The following CAMK1D variants were observed in gnomAD, a reference collection of about 807,000 sequenced individuals.
The protein encoded by CAMK1D is calcium/calmodulin dependent protein kinase ID.
CAMK1D carries 9 observed loss-of-function variants against 47.7 expected under a neutral mutation model. The observed-to-expected ratio is 0.19, with a 90% CI of 0.11 to 0.33. The LOEUF is 0.33. CAMK1D is among the 10% of genes least tolerant of loss of function. CAMK1D has a pLI of 1.00. For synonymous variants in CAMK1D, 184 were observed against 184.9 expected, an observed-to-expected ratio of 0.99 and a Z score of 0.04; for missense variants, 291 against 488.7, an observed-to-expected ratio of 0.60 and a Z score of 3.81.
chr10:12,541,069 A>G (rs1404852049), intron 1 of CAMK1D, among the ~76,000 whole-genome samples: 2 of 152,220 alleles, frequency 1.3e-5, no homozygotes, highest in Non-Finnish European at 2.9e-5. Context: ...TAAATTGGAT[A>G]TCCATTTTCT....
intron 1 of CAMK1D, among the ~76,000 whole-genome samples, chr10:12,472,924 G>A (rs887626412): frequency 3.3e-5 from 5 of 152,156 alleles, no homozygotes; most frequent in African/African-American, 1.2e-4. Context: ...GCAGGAACTC[G>A]CTGCTCCTTA....
intron 1 of CAMK1D, among the ~76,000 whole-genome samples, chr10:12,428,697 G>A (rs1840336381): frequency 6.6e-6 from 1 of 152,152 alleles, no homozygotes; most frequent in Non-Finnish European, 1.5e-5. Context: ...CTTCCTTACT[G>A]TTAGGAGCCG....
chr10:12,687,148 C>T (rs1440947188), intron 3 of CAMK1D, among the ~76,000 whole-genome samples: 1 of 152,060 alleles, frequency 6.6e-6, no homozygotes, highest in African/African-American at 2.4e-5. Flanking sequence ...ACTCTCAGAA[C>T]ATATTCATTT....
intron 1 of CAMK1D, among the ~76,000 whole-genome samples, chr10:12,539,198 C>T (rs1294286659): frequency 1.3e-5 from 2 of 152,086 alleles, no homozygotes; most frequent in Non-Finnish European, 2.9e-5. Flanking sequence ...TTTTTTAACA[C>T]AGACACAGCC....
intron 3 of CAMK1D, among the ~76,000 whole-genome samples, chr10:12,703,461 G>A (rs1833606768): frequency 1.3e-5 from 2 of 152,204 alleles, no homozygotes; most frequent in Non-Finnish European, 2.9e-5. Flanking sequence ...TAGGTCAACT[G>A]CTAATACCTT....
chr10:12,701,708 AG>A (rs1833525909), intron 3 of CAMK1D, among the ~76,000 whole-genome samples: 1 of 152,198 alleles, frequency 6.6e-6, no homozygotes, highest in Admixed American at 6.5e-5. Context: ...AGGCAGTTTG[AG>A]CATTCTCCAA....
At chr10:12,825,510 C>T in intron 9 of CAMK1D, 63 bp from the exon 10 acceptor site, 4 of 1,486,866 alleles carry the variant, frequency 2.7e-6, no homozygotes, top group Non-Finnish European at 1.8e-6. Context: ...CAAGAGAACA[C>T]AGTTAGAGTC....
chr10:12,422,618 T>C (rs1289327520), intron 1 of CAMK1D, among the ~76,000 whole-genome samples: 1 of 152,118 alleles, frequency 6.6e-6, no homozygotes, highest in Non-Finnish European at 1.5e-5. Context: ...TTTGGGCTTA[T>C]GGAAGTGTTT....
chr10:12,494,523 T>C (rs1010907480), intron 1 of CAMK1D, among the ~76,000 whole-genome samples: 2 of 152,134 alleles, frequency 1.3e-5, no homozygotes, highest in Non-Finnish European at 2.9e-5. Flanking sequence ...AAGCCAGATA[T>C]TTTTGTGTCC....
At chr10:12,457,162 G>T (rs1046574095) in intron 1 of CAMK1D, among the ~76,000 whole-genome samples, 1 of 152,094 alleles carries the variant, frequency 6.6e-6, no homozygotes. Context: ...AAGCCAAGGT[G>T]GGCAGATCAC....
intron 6 of CAMK1D, among the ~76,000 whole-genome samples, chr10:12,801,295 G>GTATCTATCTA (rs1302761160): frequency 5.5e-5 from 6 of 108,750 alleles, no homozygotes; most frequent in African/African-American, 1.9e-4. Flanking sequence ...CTGTCTGTGT[G>GTATCTATCTA]TGTATCTATC....
intron 1 of CAMK1D, among the ~76,000 whole-genome samples, chr10:12,473,801 A>G (rs760753660): frequency 1.3e-5 from 2 of 152,162 alleles, no homozygotes; most frequent in Non-Finnish European, 2.9e-5. Flanking sequence ...AGGATCTCAA[A>G]TTTGTCAAGG....
Position 12,546,822 on chromosome 10 carries a change from G to T in CAMK1D, c.93-6403G>T, listed in dbSNP as rs2999982. 9.3e-5 allele frequency among the ~76,000 whole-genome samples: 14 copies of T among 150,220 alleles called. No homozygotes were observed. The South Asian group carries it at 1.1e-3, about 11-fold the overall frequency. ...CCGGGGACTGTTGTGGGGTGGGGGT[G>T]GGGGAGGGATAGCATTAGGAGATAT... On this transcript the variant is annotated intron_variant, in intron 1 of 10. Transcript: ENST00000619168.
chr10:12,371,119 C>T (rs921993776), intron 1 of CAMK1D, among the ~76,000 whole-genome samples: 2 of 151,934 alleles, frequency 1.3e-5, no homozygotes, highest in Admixed American at 1.3e-4. Context: ...TTAGTATAGC[C>T]TAAGTGTACA....
At chr10:12,661,811 G>A (rs1840282330) in intron 2 of CAMK1D, among the ~76,000 whole-genome samples, 1 of 152,202 alleles carries the variant, frequency 6.6e-6, no homozygotes, top group South Asian at 2.1e-4. Flanking sequence ...GCAAAATTCT[G>A]GAACAGAAAA....
At chr10:12,771,122 G>A (rs1488813124) in intron 5 of CAMK1D, among the ~76,000 whole-genome samples, 2 of 152,152 alleles carry the variant, frequency 1.3e-5, no homozygotes, top group African/African-American at 2.4e-5. Flanking sequence ...TAGAGACAGG[G>A]TTTTGTCATG....
intron 2 of CAMK1D, among the ~76,000 whole-genome samples, chr10:12,618,135 C>G (rs1237882399): frequency 6.6e-6 from 1 of 152,158 alleles, no homozygotes; most frequent in African/African-American, 2.4e-5. Flanking sequence ...CGATTCAGGG[C>G]TCTGTGTCTC....
At chr10:12,810,151 TAAAAAAA>T (rs749675063) in intron 6 of CAMK1D, among the ~76,000 whole-genome samples, 1 of 81,446 alleles carries the variant, frequency 1.2e-5, no homozygotes, top group African/African-American at 6.1e-5. Flanking sequence ...CCTGTCTCAT[TAAAAAAA>T]AAAAAAAAAA....
At chr10:12,567,998 C>T (rs1487751661) in intron 2 of CAMK1D, among the ~76,000 whole-genome samples, 1 of 151,172 alleles carries the variant, frequency 6.6e-6, no homozygotes, top group Non-Finnish European at 1.5e-5. Context: ...GCCACTTTTA[C>T]TGAGCTTTCC....
Sources: allele counts gnomAD v4.1 joint callset (sites outside exome capture counted in the v4.1 genomes callset), GRCh38; gene constraint gnomAD v4.1.1; transcripts MANE v1.5; gene names NCBI Gene and HGNC (gene_info 2026-07-23, HGNC 2026-07-21).